Variants in ADGRL3 observed in about 807,000 individuals in gnomAD.
The protein encoded by ADGRL3 is calcium-independent alpha-latrotoxin receptor 3.
ADGRL3 carries 62 observed loss-of-function variants against 153.5 expected under a neutral mutation model. The observed-to-expected ratio is 0.40, with a 90% confidence interval of 0.33 to 0.50. The LOEUF is 0.50. Among genes scored for constraint, ADGRL3 ranks in the 20% least tolerant of loss-of-function variants. ADGRL3 has a pLI of 0.47. For missense variants in ADGRL3, 1,641 were observed against 1,859.4 expected (o/e 0.88, Z 2.16); for synonymous variants, 710 against 672.5 (o/e 1.06, Z -0.86).
At position 62,076,426 on chromosome 4, in the gene ADGRL3, T is replaced by C. The variant is rs1468123905; in HGVS notation, c.*5518T>C. 1.3e-5 allele frequency: 2 copies of C among 152,008 alleles called. No homozygotes were observed. Among genetic ancestry groups the C allele is most frequent in the Non-Finnish European group, 2.9e-5 (2 of 67,930 alleles). 9.4% of individuals were successfully genotyped at this position (152,008 alleles called of 1,614,324 possible). A position where few individuals can be genotyped will look rare whatever the true frequency, so the allele number is the denominator to read the frequency against. ...ATACATGAACAAATCTCTATTGGGATAAACAAGTCTCTTCAACCACAATAT... is the reference window on the plus strand; with the variant it reads ...ATACATGAACAAATCTCTATTGGGACAAACAAGTCTCTTCAACCACAATAT... On this transcript the variant is annotated 3_prime_UTR_variant, in exon 27 of 27. Transcript: ENST00000683033.
At chr4:62,001,419 T>G (rs2099139850) in intron 21 of ADGRL3, among the ~76,000 whole-genome samples, 1 of 152,104 alleles carries the variant, frequency 6.6e-6, no homozygotes, top group Non-Finnish European at 1.5e-5. Flanking sequence ...CTCAATGAGG[T>G]AGGAAAGATA....
intron 9 of ADGRL3, among the ~76,000 whole-genome samples, chr4:61,831,244 T>A (rs2097864410): frequency 6.6e-6 from 1 of 151,892 alleles, no homozygotes; most frequent in Non-Finnish European, 1.5e-5. Flanking sequence ...TTCTGACAAC[T>A]TTCATAGTAT....
intron 13 of ADGRL3, among the ~76,000 whole-genome samples, chr4:61,931,228 T>C (rs2098816315): frequency 6.6e-6 from 1 of 152,178 alleles, no homozygotes; most frequent in African/African-American, 2.4e-5. Context: ...CCAGGTAGTA[T>C]AGGCTTCTGT....
At chr4:61,597,590 T>C (rs2098994313) in intron 5 of ADGRL3, among the ~76,000 whole-genome samples, 2 of 151,884 alleles carry the variant, frequency 1.3e-5, no homozygotes, top group South Asian at 4.1e-4. Flanking sequence ...TAAAATATCA[T>C]ATTATAATAT....
chr4:61,909,779 G>GTGTGTGTA, intron 12 of ADGRL3, 34 bp downstream of exon 12: 1 of 1,346,328 alleles, frequency 7.4e-7, no homozygotes. Context: ...GTGTGTGTGT[G>GTGTGTGTA]TGTGTGTGTG....
rs897682647 is a variant in ADGRL3 at position 61,323,021 on chromosome 4, G to A, written c.-239-60103G>A. ...ATCCAGGTGTTTCCATAAATCCTGT[G>A]AAATCTACGTAGAGCTTCCCAAACC... is the stretch of plus-strand genomic sequence containing the variant. On this transcript the variant is annotated intron_variant, in intron 1 of 26. Coordinates refer to ENST00000683033, the MANE Select transcript of ADGRL3 (RefSeq NM_001387552.1). Among the ~76,000 whole-genome samples the A allele has an allele frequency of 1.1e-3, 163 of 152,356 alleles. 3 individuals are homozygous for A. The highest frequency in any genetic ancestry group is 1.8e-4 in the Non-Finnish European group (12 of 68,036).
At chr4:61,274,530 C>T (rs572509998) in intron 1 of ADGRL3, among the ~76,000 whole-genome samples, 41 of 152,152 alleles carry the variant, frequency 2.7e-4, no homozygotes, top group African/African-American at 8.7e-4. Context: ...TCAGTAAATG[C>T]GTTGAATAAC....
intron 5 of ADGRL3, among the ~76,000 whole-genome samples, chr4:61,595,633 A>T (rs2149452759): frequency 6.6e-6 from 1 of 152,204 alleles, no homozygotes; most frequent in Middle Eastern, 3.4e-3. Flanking sequence ...GGGTTAGAGG[A>T]GTGATGGCAC....
intron 2 of ADGRL3, among the ~76,000 whole-genome samples, chr4:61,484,942 C>G (rs924765635): frequency 1.3e-5 from 2 of 152,072 alleles, no homozygotes; most frequent in South Asian, 2.1e-4. Context: ...CAAAATGTGT[C>G]TTTGTAAACT....
intron 1 of ADGRL3, among the ~76,000 whole-genome samples, chr4:61,298,550 A>G (rs1452706014): frequency 6.6e-6 from 1 of 152,188 alleles, no homozygotes; most frequent in African/African-American, 2.4e-5. Context: ...AAAATTTATC[A>G]TTCACATTCT....
At chr4:61,773,385 G>C (rs1387803899) in intron 8 of ADGRL3, among the ~76,000 whole-genome samples, 1 of 151,770 alleles carries the variant, frequency 6.6e-6, no homozygotes, top group Admixed American at 6.6e-5. Flanking sequence ...TGTCTCATTC[G>C]GCCTCAAGCT....
chr4:62,047,835 T>G (rs1731929653), intron 25 of ADGRL3, among the ~76,000 whole-genome samples: 1 of 152,132 alleles, frequency 6.6e-6, no homozygotes. Flanking sequence ...CAGAATTCCT[T>G]GAGGCCAATA....
At chr4:61,652,611 T>C (rs2094300477) in intron 5 of ADGRL3, among the ~76,000 whole-genome samples, 1 of 152,198 alleles carries the variant, frequency 6.6e-6, no homozygotes, top group Admixed American at 6.5e-5. Context: ...ATGCTATACA[T>C]ACATCATCAG....
At position 62,044,497 on chromosome 4, in the gene ADGRL3, A is replaced by G. The variant is rs1730053093; in HGVS notation, c.3762A>G (p.Ser1254=). The G allele has an allele frequency of 1.3e-6, 2 of 1,599,004 alleles. No individual in the cohort carries two copies. Among genetic ancestry groups the G allele is most frequent in the East Asian group, 2.3e-5 (1 of 44,202 alleles). Residue 1254 remains serine (S), a synonymous_variant, in exon 25 of 27, where the codon TCA becomes TCG. Coordinates refer to ENST00000683033, the MANE Select transcript of ADGRL3 (RefSeq NM_001387552.1). ...GGAATGACACGGTTCGAAAGCAGTC[A>G]GAGTCTTCCTTTATTACTGGAGACA... is the stretch of plus-strand genomic sequence containing the variant. ...RMWNDTVRKQ[S]ESSFITGDIN... is the part of the protein sequence containing the mutation.
intron 4 of ADGRL3, among the ~76,000 whole-genome samples, chr4:61,545,100 T>G (rs1180325107): frequency 6.6e-6 from 1 of 152,228 alleles, no homozygotes; most frequent in Non-Finnish European, 1.5e-5. Flanking sequence ...TGGATTTTTC[T>G]TTCCTTTACT....
chr4:61,773,506 A>C (rs17292009), intron 8 of ADGRL3, among the ~76,000 whole-genome samples: 8,954 of 152,234 alleles, frequency 0.059, 358 homozygotes, highest in Non-Finnish European at 0.085. Context: ...AGAAGCCCTC[A>C]CTTTTCCGAA....
intron 8 of ADGRL3, among the ~76,000 whole-genome samples, chr4:61,743,883 C>T (rs961232812): frequency 6.6e-6 from 1 of 152,158 alleles, no homozygotes; most frequent in Non-Finnish European, 1.5e-5. Flanking sequence ...TGCAGCACAC[C>T]GTGTGCGAGC....
rs190134178 is a variant in ADGRL3, at chr4:61,765,622, C to G, written c.1399+32068C>G. ...ACTGTATTGAGGTGGGAAGGCTAAACTGAGGAATTATGTCTGACAGAAGGG... is the reference window on the plus strand; with the variant it reads ...ACTGTATTGAGGTGGGAAGGCTAAAGTGAGGAATTATGTCTGACAGAAGGG... On this transcript the variant is annotated intron_variant, in intron 8 of 26. Coordinates refer to ENST00000683033, the MANE Select transcript of ADGRL3 (RefSeq NM_001387552.1). Among the ~76,000 whole-genome samples the G allele has an allele frequency of 3.3e-5, 5 of 152,144 alleles. No homozygotes were observed. The East Asian group carries it at 9.7e-4, about 29-fold the overall frequency.
intron 5 of ADGRL3, among the ~76,000 whole-genome samples, chr4:61,626,817 G>T (rs1053138490): frequency 3.3e-5 from 5 of 151,848 alleles, no homozygotes; most frequent in South Asian, 2.1e-4. Flanking sequence ...TAACATATAG[G>T]TTTTTATGAA....
Sources: allele counts gnomAD v4.1 joint callset (sites outside exome capture counted in the v4.1 genomes callset), GRCh38; gene constraint gnomAD v4.1.1; transcripts MANE v1.5; gene names NCBI Gene and HGNC (gene_info 2026-07-23, HGNC 2026-07-21).